INSR: variants seen among roughly 807,000 people sequenced by gnomAD.
The protein encoded by INSR is IR.
Under a neutral mutation model 142.6 loss-of-function variants are expected in INSR, and 67 were observed. The ratio of observed to expected loss-of-function variants is 0.47; its 90% CI spans 0.39 to 0.58. INSR has a LOEUF of 0.58. Among genes scored for constraint, INSR ranks in the 20% least tolerant of loss-of-function variants. The pLI, the probability that INSR is intolerant of heterozygous loss-of-function variation, is 0.00. For synonymous variants in INSR, 756 were observed against 743.1 expected, an observed-to-expected ratio of 1.02 and a Z score of -0.28; for missense variants, 1,248 against 1,833.2, an observed-to-expected ratio of 0.68 and a Z score of 5.83.
In INSR at chr19:7,267,727, G is replaced by A. The variant is rs749842691; in HGVS notation, c.270C>T (p.Leu90=). 29 of 1,614,044 alleles carry A rather than the reference G, an allele frequency of 1.8e-5. No individual in the cohort carries two copies. The highest frequency in any genetic ancestry group is 2.5e-5 in the Non-Finnish European group (29 of 1,180,048). The part of the protein sequence containing the change: ...KLIMITDYLL[L]FRVYGLESLK... ...GGCTCTCGAGCCCATAGACCCGGAA[G>A]AGCAGCAAGTAATCAGTGATCATGA... is the stretch of plus-strand genomic sequence containing the variant. The change falls in exon 2 of 22, where the codon CTC becomes CTT. Residue 90 remains leucine, a synonymous_variant. Transcript: ENST00000302850. The surrounding 1 kb of genome is among the most constrained non-coding windows in gnomAD (Gnocchi z 6.3).
chr19:7,253,536 G>T (rs2145180765), intron 2 of INSR, among the ~76,000 whole-genome samples: 1 of 152,114 alleles, frequency 6.6e-6, no homozygotes, highest in Admixed American at 6.6e-5. Flanking sequence ...GGCCCCTCCA[G>T]TGCAAATTTG....
chr19:7,292,990 T>A lies in INSR; in HGVS notation c.100+802A>T, dbSNP rs1968537205. ...CTCAAGTCCTGGCTCTGGCACTGAC[T>A]TTAGGGCAAGGGAGTTATGCGTCCT... On this transcript the variant is annotated intron_variant, in intron 1 of 21. Coordinates refer to ENST00000302850, the MANE Select transcript of INSR (RefSeq NM_000208.4). Among the ~76,000 whole-genome samples the A allele has an allele frequency of 4.6e-5, 7 of 152,204 alleles. No homozygotes were observed. In the South Asian group the frequency reaches 1.5e-3, roughly 32 times the overall value.
At position 7,267,525 on chromosome 19, in the gene INSR, T is replaced by C. The variant is rs765224661; in HGVS notation, c.472A>G (p.Ile158Val). The change falls in exon 2 of 22, where the codon ATC (isoleucine) becomes GTC (valine). Residue 158 changes from isoleucine to valine, a missense_variant. By Grantham distance (29) the Ile-to-Val change is conservative. Around this residue, in one of 3 missense-constraint regions of INSR, gnomAD observed 1,069 missense variants for 1,654.0 expected, o/e 0.65. Coordinates refer to ENST00000302850, the MANE Select transcript of INSR (RefSeq NM_000208.4). The surrounding 1 kb of genome is among the most constrained non-coding windows in gnomAD (Gnocchi z 6.3). ...GAATCCAGGATACGGGACCAGTCGA[T>C]AGTGGCCAAGTAACAGAGCTCATTG... ...KNNELCYLAT[I>V]DWSRILDSVE... 5.0e-6 allele frequency: 8 copies of C among 1,614,054 alleles called. No individual in the cohort carries two copies. The African/African-American group carries it at 6.7e-5, about 13-fold the overall frequency.
intron 3 of INSR, among the ~76,000 whole-genome samples, chr19:7,182,698 A>C (rs1974305223): frequency 1.3e-5 from 2 of 152,120 alleles, no homozygotes; most frequent in South Asian, 4.1e-4. Context: ...CTCCCGCATC[A>C]TCAGTGAGAA....
chr19:7,257,434 G>A (rs1198344255), intron 2 of INSR, among the ~76,000 whole-genome samples: 2 of 149,356 alleles, frequency 1.3e-5, no homozygotes, highest in African/African-American at 2.5e-5. Context: ...TGACTCACTC[G>A]AAGGGGAAAG....
intron 16 of INSR, among the ~76,000 whole-genome samples, chr19:7,126,102 T>C (rs1972639364): frequency 1.3e-5 from 2 of 152,082 alleles, no homozygotes; most frequent in South Asian, 2.1e-4. Context: ...CAGAGGACCA[T>C]GGAATGAAGC....
intron 2 of INSR, among the ~76,000 whole-genome samples, chr19:7,229,196 A>ATGGATGG (rs1568204133): frequency 2.8e-5 from 4 of 144,404 alleles, no homozygotes; most frequent in South Asian, 2.2e-4. Context: ...TGAGTGGATG[A>ATGGATGG]ATGGATGGAT....
chr19:7,221,405 GA>G (rs1325962428), intron 2 of INSR, among the ~76,000 whole-genome samples: 9 of 127,992 alleles, frequency 7.0e-5, no homozygotes, highest in Non-Finnish European at 1.0e-4. Flanking sequence ...GGAGGAGGAG[GA>G]AAGAAGAAGA....
chr19:7,189,214 G>A (rs978561237), intron 2 of INSR, among the ~76,000 whole-genome samples: 2 of 152,148 alleles, frequency 1.3e-5, no homozygotes, highest in South Asian at 2.1e-4. Flanking sequence ...TCCTGGGCTG[G>A]AGCCACTTCA....
chr19:7,191,263 G>A (rs752005764), intron 2 of INSR, among the ~76,000 whole-genome samples: 5 of 150,672 alleles, frequency 3.3e-5, no homozygotes, highest in Non-Finnish European at 5.9e-5. Flanking sequence ...TGCCACTGCT[G>A]GAAGAGAGAG....
chr19:7,122,494 A>T (rs1444936858), intron 19 of INSR, 120 bp downstream of exon 19: 2 of 1,024,056 alleles, frequency 2.0e-6, no homozygotes, highest in African/African-American at 1.8e-5. Flanking sequence ...CAAAAAAAAA[A>T]GAAGTATCTT....
chr19:7,153,009 C>T (rs1973421606), intron 9 of INSR, 82 bp from the exon 10 acceptor site: 4 of 614,760 alleles, frequency 6.5e-6, no homozygotes, highest in African/African-American at 8.8e-5. Flanking sequence ...CACACACACA[C>T]ACACCACACA....
chr19:7,119,528 C>T lies in INSR; in HGVS notation c.3715G>A (p.Gly1239Ser). 1 of 1,614,134 alleles carries T rather than the reference C, an allele frequency of 6.2e-7. No homozygotes were observed. The highest frequency in any genetic ancestry group is 8.5e-7 in the Non-Finnish European group (1 of 1,179,986). Residue 1239 changes from glycine to serine, a missense_variant, in exon 21 of 22, where the codon GGC becomes AGC. Coordinates refer to ENST00000302850, the MANE Select transcript of INSR (RefSeq NM_000208.4). This position sits in a 1 kb window ranked among gnomAD's most constrained non-coding sequence, Gnocchi z 5.2. The stretch of plus-strand genomic sequence containing the variant: ...TTCAACACCTGTTCATTAGACAGGC[C>T]TTGGTAAGGCTGTTCTGCCAAGCTG... ...ITSLAEQPYQ[G>S]LSNEQVLKFV...
rs368621989 is a variant in INSR at position 7,166,447 on chromosome 19, C to T, written c.1611-43G>A. 1.9e-5 allele frequency: 30 copies of T among 1,607,384 alleles called. No homozygotes were observed. Among genetic ancestry groups the T allele is most frequent in the Middle Eastern group, 1.7e-4 (1 of 6,056 alleles). On this transcript the variant is annotated intron_variant, in intron 7 of 21. Transcript: ENST00000302850. The surrounding 1 kb of genome is among the most constrained non-coding windows in gnomAD (Gnocchi z 4.1). ...CAGAAGGCAGTTACCCTTACAAGAC[C>T]GTCACACTGAGTGCCGTGCAGATGA...
chr19:7,139,821 C>CTTTTTTT (rs10673049), intron 13 of INSR, among the ~76,000 whole-genome samples: 4 of 115,714 alleles, frequency 3.5e-5, no homozygotes, highest in Non-Finnish European at 5.0e-5. Flanking sequence ...GTTGCGTATT[C>CTTTTTTT]TTTTTTTTTT....
rs1030778441 is a variant in INSR, at chr19:7,256,406, G to A, written c.652+10939C>T. On this transcript the variant is annotated intron_variant, in intron 2 of 21. Transcript: ENST00000302850. ...AGGGGTTGCAGTGAGCCGAGATTGC[G>A]CCACTGCACTTCAGCCTGGGCAACA... Among the ~76,000 whole-genome samples the A allele has an allele frequency of 9.2e-5, 14 of 152,190 alleles. No individual in the cohort carries two copies. In the East Asian group the frequency reaches 1.5e-3, roughly 17 times the overall value.
At chr19:7,130,788 CTT>C (rs1225894621) in intron 14 of INSR, among the ~76,000 whole-genome samples, 1 of 151,850 alleles carries the variant, frequency 6.6e-6, no homozygotes, top group Non-Finnish European at 1.5e-5. Context: ...TCTCTCTTCT[CTT>C]CTTTCTTTTT....
At chr19:7,137,792 C>G (rs917832477) in intron 13 of INSR, among the ~76,000 whole-genome samples, 1 of 63,674 alleles carries the variant, frequency 1.6e-5, no homozygotes, top group Non-Finnish European at 2.8e-5. Flanking sequence ...GAGTGAGACT[C>G]CATCTCAAAA....
At chr19:7,257,313 T>C (rs1976924546) in intron 2 of INSR, among the ~76,000 whole-genome samples, 1 of 152,114 alleles carries the variant, frequency 6.6e-6, no homozygotes, top group Admixed American at 6.6e-5. Context: ...GTCTTCTGTA[T>C]GGACGACAGT....
Sources: gnomAD v4.1 joint callset for allele counts (sites outside exome capture counted in the v4.1 genomes callset) on GRCh38, gnomAD v4.1.1 for gene constraint, gnomAD v4.1.1 regional missense constraint, Gnocchi (gnomAD v3.1) non-coding constraint, MANE v1.5 for transcripts, NCBI Gene and HGNC (gene_info 2026-07-23, HGNC 2026-07-21) for gene names.